Variants in DOCK9 observed in about 807,000 individuals in gnomAD.
DOCK9 encodes the protein dedicator of cytokinesis 9, also known as dedicator of cytokinesis protein 9.
In DOCK9, 89 loss-of-function variants were observed where a neutral mutation model predicts 263.3. That is an observed-to-expected ratio of 0.34 (90% CI 0.28 to 0.40). DOCK9 has a LOEUF of 0.40. Ranked by LOEUF, DOCK9 falls within the 10% of genes least tolerant of loss-of-function variation. The probability of loss-of-function intolerance (pLI) is 1.00; values close to 1 mark genes in which losing one functional copy is unlikely to be tolerated. For synonymous variants in DOCK9, 976 were observed against 973.1 expected (o/e 1.00, Z -0.06); for missense variants, 2,140 against 2,603.4 (o/e 0.82, Z 3.87).
chr13:98,998,523 T>C (rs1362206601), intron 1 of DOCK9, among the ~76,000 whole-genome samples: 1 of 152,136 alleles, frequency 6.6e-6, no homozygotes, highest in East Asian at 1.9e-4. Context: ...CAAAACCCTT[T>C]TAAGAATTTC....
intron 1 of DOCK9, among the ~76,000 whole-genome samples, chr13:98,987,516 CA>C (rs1470309913): frequency 1.3e-5 from 2 of 152,128 alleles, no homozygotes; most frequent in African/African-American, 4.8e-5. Context: ...AAATACAAAA[CA>C]AGTGAGGTTT....
intron 1 of DOCK9, among the ~76,000 whole-genome samples, chr13:99,025,845 A>G (rs1886642044): frequency 6.6e-6 from 1 of 152,254 alleles, no homozygotes; most frequent in Non-Finnish European, 1.5e-5. Flanking sequence ...ACAATGAAAT[A>G]TTATGTACCA....
Position 99,047,456 on chromosome 13 carries a change from C to A in DOCK9, c.129+38767G>T, listed in dbSNP as rs188015166. 3.5e-4 allele frequency among the ~76,000 whole-genome samples: 53 copies of A among 151,534 alleles called. 1 individual carries two copies. The East Asian group carries it at 9.7e-3, about 28-fold the overall frequency. ...TTCTTAGTCTCATTTATTTTCACTC[C>A]TTAGGTGTTGTCTGAAAATAATGAA... On this transcript the variant is annotated intron_variant, in intron 1 of 32. Transcript: ENST00000427887.
chr13:98,895,997 A>G (rs1374473830), intron 15 of DOCK9, among the ~76,000 whole-genome samples: 1 of 152,160 alleles, frequency 6.6e-6, no homozygotes, highest in Non-Finnish European at 1.5e-5. Context: ...AGCAGGCCTC[A>G]TCCTTCACCA....
In DOCK9 at chr13:98,829,583, A is replaced by G. The variant is rs1448793374; in HGVS notation, c.4749+60T>C. 7 of 1,586,130 alleles carry G rather than the reference A, an allele frequency of 4.4e-6. No homozygotes were observed. Among genetic ancestry groups the G allele is most frequent in the African/African-American group, 1.3e-5 (1 of 74,512 alleles). ...TTCCTCTGTTTGCTGCCTGTCCACA[A>G]GCACCTCAGGTGCTGATGCAGAGTC... is the stretch of plus-strand genomic sequence containing the variant. On this transcript the variant is annotated intron_variant, in intron 42 of 52. Coordinates refer to ENST00000682017, the MANE Select transcript of DOCK9 (RefSeq NM_001366683.2). This position sits in a 1 kb window ranked among gnomAD's most constrained non-coding sequence, Gnocchi z 4.1.
intron 2 of DOCK9, among the ~76,000 whole-genome samples, chr13:98,954,897 C>T (rs190998536): frequency 4.0e-5 from 6 of 149,826 alleles, no homozygotes; most frequent in African/African-American, 1.5e-4. Flanking sequence ...CACACACACA[C>T]ATTTTGGCAT....
intron 38 of DOCK9, among the ~76,000 whole-genome samples, chr13:98,845,079 T>C (rs1201794742): frequency 6.6e-6 from 1 of 152,234 alleles, no homozygotes; most frequent in Non-Finnish European, 1.5e-5. Context: ...ATGGTTGATA[T>C]CTTTCAGGTG....
chr13:98,794,828 T>C (rs1473107463), intron 52 of DOCK9, 80 bp from the exon 53 acceptor site: 1 of 1,480,126 alleles, frequency 6.8e-7, no homozygotes, highest in East Asian at 2.3e-5. Context: ...TGTGACACAA[T>C]GTTACCAAGT....
upstream of DOCK9, among the ~76,000 whole-genome samples, chr13:99,087,552 T>G (rs1373397611): frequency 6.6e-6 from 1 of 151,766 alleles, no homozygotes; most frequent in African/African-American, 2.4e-5. Context: ...ACAGCCACCC[T>G]GTGAGGGACT....
In DOCK9 at chr13:98,897,512, A is replaced by T. The variant is rs753486306; in HGVS notation, c.1685T>A (p.Leu562His). The change falls in exon 15 of 53, where the codon CTC becomes CAC. Residue 562 changes from leucine (L) to histidine (H), a missense_variant. By Grantham distance (99) the Leu-to-His change is moderately conservative (BLOSUM62 -3). Transcript: ENST00000682017. ...CTTCCGAAAGTCTGCAAGTAACTTG[A>T]GCATGTCATCATTGGATAGCTTATT... The part of the protein sequence containing the change: ...DSNKLSNDDM[L>H]KLLADFRKPE... The T allele has an allele frequency of 3.3e-5, 54 of 1,613,654 alleles. No individual in the cohort carries two copies. The highest frequency in any genetic ancestry group is 3.1e-5 in the Non-Finnish European group (36 of 1,179,840).
At chr13:99,005,121 T>C (rs1293314349) in intron 1 of DOCK9, among the ~76,000 whole-genome samples, 2 of 151,598 alleles carry the variant, frequency 1.3e-5, no homozygotes, top group Non-Finnish European at 2.9e-5. Context: ...AGGATGCAGC[T>C]GCCACGCTGG....
chr13:98,884,304 C>T (rs1350283261), intron 21 of DOCK9, among the ~76,000 whole-genome samples: 2 of 152,246 alleles, frequency 1.3e-5, no homozygotes, highest in Non-Finnish European at 2.9e-5. Flanking sequence ...TCTGCTCACA[C>T]TAATTTCAAC....
chr13:98,979,220 T>C (rs1233248442), upstream of DOCK9, among the ~76,000 whole-genome samples: 49 of 123,786 alleles, frequency 4.0e-4, no homozygotes, highest in African/African-American at 1.4e-3. Flanking sequence ...GTAGTAGTAG[T>C]AGTAGTAGTA....
chr13:98,897,205 G>A (rs748868477), intron 15 of DOCK9, among the ~76,000 whole-genome samples: 2 of 152,056 alleles, frequency 1.3e-5, no homozygotes, highest in Non-Finnish European at 2.9e-5. Flanking sequence ...CTCACCTCTT[G>A]ACAAGGTTCC....
chr13:99,014,243 T>C (rs1885027467), intron 1 of DOCK9, among the ~76,000 whole-genome samples: 2 of 152,198 alleles, frequency 1.3e-5, no homozygotes. Flanking sequence ...GGCTGTCTGG[T>C]TATGGATACA....
intron 1 of DOCK9, among the ~76,000 whole-genome samples, chr13:99,038,288 CTTTTTTTTTTT>C (rs71419743): frequency 1.3e-4 from 11 of 86,264 alleles, no homozygotes; most frequent in Admixed American, 4.5e-4. Flanking sequence ...TTATGCCCCC[CTTTTTTTTTTT>C]TTTTTTTTTT....
intron 49 of DOCK9, among the ~76,000 whole-genome samples, chr13:98,803,222 A>G (rs2090318957): frequency 6.6e-6 from 1 of 152,196 alleles, no homozygotes; most frequent in South Asian, 2.1e-4. Context: ...GCAGATACAG[A>G]GCATTGCTCA....
chr13:98,940,398 T>A (rs1455816475), intron 2 of DOCK9, among the ~76,000 whole-genome samples: 4 of 151,870 alleles, frequency 2.6e-5, no homozygotes, highest in African/African-American at 4.8e-5. Flanking sequence ...AAGGGCTGAG[T>A]TTTTTTGTTG....
chr13:98,843,434 T>C (rs555876309), intron 38 of DOCK9, among the ~76,000 whole-genome samples: 3 of 152,220 alleles, frequency 2.0e-5, no homozygotes, highest in East Asian at 1.9e-4. Context: ...TTTGTCTGAG[T>C]TGATGATTTG....
Sources: allele counts gnomAD v4.1 joint callset (sites outside exome capture counted in the v4.1 genomes callset), GRCh38; gene constraint gnomAD v4.1.1; non-coding constraint Gnocchi (gnomAD v3.1); transcripts MANE v1.5; gene names NCBI Gene and HGNC (gene_info 2026-07-23, HGNC 2026-07-21).